The following CRHR2 variants were observed in gnomAD, a reference collection of about 807,000 sequenced individuals.
CRHR2 encodes the protein corticotropin releasing hormone receptor 2.
CRHR2 carries 53 observed loss-of-function variants against 57.9 expected under a neutral mutation model. The observed-to-expected ratio is 0.92, with a 90% CI of 0.73 to 1.15. The LOEUF is 1.15. Among genes scored for constraint, CRHR2 ranks in the 50% most tolerant of loss-of-function variants. The probability of loss-of-function intolerance (pLI) is 0.00; values close to 1 mark genes in which losing one functional copy is unlikely to be tolerated. For missense variants in CRHR2, 532 were observed against 542.6 expected (o/e 0.98, Z 0.19); for synonymous variants, 213 against 220.9 (o/e 0.96, Z 0.32).
chr7:30,675,623 C>T (rs1304923984), intron 2 of CRHR2, among the ~76,000 whole-genome samples: 2 of 152,220 alleles, frequency 1.3e-5, no homozygotes, highest in Non-Finnish European at 1.5e-5. Context: ...ACCCTCCCTT[C>T]CATCTGACAC....
intron 1 of CRHR2, 63 bp from the exon 2 acceptor site, chr7:30,682,103 G>A (rs900776211): frequency 5.6e-5 from 86 of 1,540,368 alleles, no homozygotes; most frequent in Non-Finnish European, 7.1e-5. Context: ...GGCTCTCGGA[G>A]CGCGGGGTCA....
At chr7:30,700,062 G>A (rs906798364) in exon 1 of CRHR2, 14 of 1,366,278 alleles carry the variant, frequency 1.0e-5, no homozygotes, top group Non-Finnish European at 1.2e-5. Flanking sequence ...TTAGGGACTG[G>A]AGCCTGCTGC....
chr7:30,689,225 G>C, exon 2 of CRHR2: 1 of 1,550,506 alleles, frequency 6.4e-7, no homozygotes, highest in Non-Finnish European at 8.7e-7. Context: ...TGGTGTGGCA[G>C]TACTGCTCCA....
Position 30,653,907 on chromosome 7 carries a change from T to C in CRHR2, c.1096-307A>G, listed in dbSNP as rs1223016419. Among the ~76,000 whole-genome samples the C allele has an allele frequency of 1.3e-5, 2 of 152,134 alleles. No homozygotes were observed. Among genetic ancestry groups the C allele is most frequent in the African/African-American group, 4.8e-5 (2 of 41,436 alleles). On this transcript the variant is annotated intron_variant, in intron 11 of 11. Coordinates refer to ENST00000471646, the MANE Select transcript of CRHR2 (RefSeq NM_001883.5). This position sits in a 1 kb window ranked among gnomAD's most constrained non-coding sequence, Gnocchi z 5.0. ...ACTCTGCCACCTCAAAATTAGCATC[T>C]TGGGACCAGAGAGCGCAGCTTGGAG...
In CRHR2 at chr7:30,681,869, T is replaced by C. The variant is rs371141662; in HGVS notation, c.229+46A>G. 3.2e-5 allele frequency: 50 copies of C among 1,578,688 alleles called. No individual in the cohort carries two copies. In the African/African-American group the frequency reaches 5.9e-4, roughly 19 times the overall value. ...CCTCTTTACTCCCTAAACCGCCTTC[T>C]CAGGAGGCCGGTGTAGAGCAGGCAG... On this transcript the variant is annotated intron_variant, in intron 2 of 11. Transcript: ENST00000471646.
At chr7:30,674,995 G>A (rs1784473751) in intron 2 of CRHR2, among the ~76,000 whole-genome samples, 1 of 152,160 alleles carries the variant, frequency 6.6e-6, no homozygotes, top group African/African-American at 2.4e-5. Flanking sequence ...CCTTCACACA[G>A]ATAAGAAAAC....
intron 2 of CRHR2, among the ~76,000 whole-genome samples, chr7:30,676,179 C>T (rs531330235): frequency 6.6e-6 from 1 of 152,186 alleles, no homozygotes; most frequent in East Asian, 1.9e-4. Context: ...GAACATAGAG[C>T]GCTCTGCAGC....
At chr7:30,675,616 C>T (rs1784493814) in intron 2 of CRHR2, among the ~76,000 whole-genome samples, 1 of 152,228 alleles carries the variant, frequency 6.6e-6, no homozygotes, top group East Asian at 1.9e-4. Flanking sequence ...CGCTCCCACC[C>T]TCCCTTCCAT....
At chr7:30,671,479 T>C (rs1204210456) in intron 2 of CRHR2, among the ~76,000 whole-genome samples, 4 of 151,976 alleles carry the variant, frequency 2.6e-5, no homozygotes, top group Non-Finnish European at 5.9e-5. Context: ...AATGGGGTCA[T>C]TGGCTATTTG....
intron 2 of CRHR2, among the ~76,000 whole-genome samples, chr7:30,676,801 G>A (rs1784530849): frequency 6.6e-6 from 1 of 152,236 alleles, no homozygotes; most frequent in Non-Finnish European, 1.5e-5. Flanking sequence ...TGTTTCCATT[G>A]TAACACAATC....
intron 5 of CRHR2, among the ~76,000 whole-genome samples, chr7:30,663,570 C>T (rs899902913): frequency 3.3e-5 from 5 of 152,212 alleles, no homozygotes; most frequent in African/African-American, 7.2e-5. Context: ...CGTGCCTTCC[C>T]AGCAGAGGGG....
At chr7:30,686,448 A>G, upstream of CRHR2, 3 of 1,532,534 alleles carry the variant, frequency 2.0e-6, no homozygotes, top group Non-Finnish European at 2.6e-6. Context: ...CTCTCTTCCC[A>G]TTTGACCAAC....
chr7:30,693,554 A>G (rs1249456896), intron 1 of CRHR2, among the ~76,000 whole-genome samples: 1 of 152,256 alleles, frequency 6.6e-6, no homozygotes, highest in African/African-American at 2.4e-5. Flanking sequence ...AGACTTTAAA[A>G]TAAACCTGTA....
At chr7:30,676,509 C>T (rs183587202) in intron 2 of CRHR2, among the ~76,000 whole-genome samples, 4 of 152,208 alleles carry the variant, frequency 2.6e-5, no homozygotes, top group Admixed American at 6.5e-5. Context: ...CTGCGCCTGT[C>T]CTTAACAAAT....
At chr7:30,655,444 T>C in intron 10 of CRHR2, 136 bp downstream of exon 10, 3 of 1,119,394 alleles carry the variant, frequency 2.7e-6, no homozygotes, top group Non-Finnish European at 2.5e-6. Context: ...GCTGAGCATG[T>C]ACGGGCTTCT....
In CRHR2 at chr7:30,682,226, C is replaced by T; in HGVS notation, c.55G>A (p.Ala19Thr). 6.3e-7 allele frequency: 1 copy of T among 1,590,374 alleles called. No individual in the cohort carries two copies. Among genetic ancestry groups the T allele is most frequent in the African/African-American group, 1.4e-5 (1 of 73,684 alleles). Residue 19 changes from alanine (A) to threonine (T), a missense_variant, in exon 1 of 12, where the codon GCT becomes ACT. Coordinates refer to ENST00000471646, the MANE Select transcript of CRHR2 (RefSeq NM_001883.5). ...LLEANCSLAL[A>T]EELLLDGWGP... Reference sequence around the variant, plus strand: ...CAGCCGTCCAAGAGCAGCTCTTCAGCCAGCGCCAGGCTGCAGTTGGCCTCC... The same window carrying T: ...CAGCCGTCCAAGAGCAGCTCTTCAGTCAGCGCCAGGCTGCAGTTGGCCTCC...
At position 30,682,344 on chromosome 7, in the gene CRHR2, T is replaced by C. The variant is rs778565946; in HGVS notation, c.-64A>G. The C allele has an allele frequency of 6.9e-7, 1 of 1,457,204 alleles. No homozygotes were observed. The highest frequency in any genetic ancestry group is 1.4e-5 in the South Asian group (1 of 72,854). The allele number at this position is 1,457,204 out of a possible 1,614,324, so 90.3% of individuals were successfully genotyped here. ...CGCGCCCGGCGTGACTGCGAGGGAG[T>C]GGACGCGAGAGTGAGCGGCCGAGAG... is the stretch of plus-strand genomic sequence containing the variant. On this transcript the variant is annotated 5_prime_UTR_variant, in exon 1 of 12. Coordinates refer to ENST00000471646, the MANE Select transcript of CRHR2 (RefSeq NM_001883.5).
intron 8 of CRHR2, among the ~76,000 whole-genome samples, chr7:30,658,950 G>A (rs1474061512): frequency 6.6e-6 from 1 of 152,216 alleles, no homozygotes; most frequent in Non-Finnish European, 1.5e-5. Flanking sequence ...ACAACAGGCA[G>A]ATGGTGGGGA....
rs778785688 is a variant in CRHR2 at position 30,655,911 on chromosome 7, G to A, written c.917+16C>T. 11 of 1,611,752 alleles carry A rather than the reference G, an allele frequency of 6.8e-6. No homozygotes were observed. Among genetic ancestry groups the A allele is most frequent in the Admixed American group, 5.0e-5 (3 of 59,990 alleles). ...CTCCTGTCCCCATTGTGGGGTCAAG[G>A]GACCCCCTCACATACCTGTACTGGA... On this transcript the variant is annotated intron_variant, in intron 9 of 11. Transcript: ENST00000471646.
Sources: allele counts gnomAD v4.1 joint callset (sites outside exome capture counted in the v4.1 genomes callset), GRCh38; gene constraint gnomAD v4.1.1; non-coding constraint Gnocchi (gnomAD v3.1); transcripts MANE v1.5; gene names NCBI Gene and HGNC (gene_info 2026-07-23, HGNC 2026-07-21).